OR1J4: variants seen among roughly 807,000 people sequenced by gnomAD.
The protein encoded by OR1J4 is olfactory receptor 1J4.
For synonymous variants in OR1J4, 154 were observed against 152.6 expected (o/e 1.01, Z -0.07); for missense variants, 350 against 371.1 (o/e 0.94, Z 0.47).
Position 122,519,422 on chromosome 9 carries a change from T to C in OR1J4, c.282T>C (p.Tyr94=), listed in dbSNP as rs143179088. 3 of 1,614,244 alleles carry C rather than the reference T, an allele frequency of 1.9e-6. No individual in the cohort carries two copies. The highest frequency in any genetic ancestry group is 1.7e-6 in the Non-Finnish European group (2 of 1,180,046). Residue 94 remains tyrosine (Y), a synonymous_variant, in exon 1 of 1, where the codon TAT becomes TAC. Transcript: ENST00000340750. The part of the protein sequence containing the change: ...SMQTQDQSIL[Y]AGCVTQMYFF... ...AAACTCAGGATCAATCCATTCTTTA[T>C]GCAGGGTGTGTAACTCAGATGTATT...
Position 122,519,606 on chromosome 9 carries a change from G to T in OR1J4, c.466G>T (p.Ala156Ser). ...GTCCTGGATCCTCTCCTGTACCAAT[G>T]CCCTGTCTCACACTCTCCTCCTGGC... ...TVSWILSCTN[A>S]LSHTLLLAQL... Residue 156 changes from alanine (A) to serine (S), a missense_variant, in exon 1 of 1, where the codon GCC becomes TCC. By Grantham distance (99) the Ala-to-Ser change is moderately conservative. Transcript: ENST00000340750. 1.9e-6 allele frequency: 3 copies of T among 1,613,986 alleles called. No homozygotes were observed. Among genetic ancestry groups the T allele is most frequent in the Non-Finnish European group, 2.5e-6 (3 of 1,179,982 alleles).
In OR1J4 at chr9:122,519,310, C is replaced by A. The variant is rs759317447; in HGVS notation, c.170C>A (p.Thr57Asn). The A allele has an allele frequency of 1.6e-5, 26 of 1,614,106 alleles. No individual in the cohort carries two copies. Among genetic ancestry groups the A allele is most frequent in the Admixed American group, 6.7e-5 (4 of 60,016 alleles). The change falls in exon 1 of 1, where the codon ACC becomes AAC. Residue 57 changes from threonine to asparagine, a missense_variant. Transcript: ENST00000340750. ...ATCCGGCTGGACTCTCACCTTCACA[C>A]CCCCATGTTCTTCTTCCTCAGCCAC... The part of the protein sequence containing the change: ...LLIRLDSHLH[T>N]PMFFFLSHLA...
Position 122,519,681 on chromosome 9 carries a change from C to G in OR1J4, c.541C>G (p.Leu181Val). 6.2e-7 allele frequency: 1 copy of G among 1,614,122 alleles called. No individual in the cohort carries two copies. The highest frequency in any genetic ancestry group is 8.5e-7 in the Non-Finnish European group (1 of 1,180,020). ...DNTIPHFFCD[L>V]VALLKLSCSD... ...CACCATCCCCCATTTCTTCTGTGAT[C>G]TTGTTGCCCTACTCAAGCTCTCATG... is the stretch of plus-strand genomic sequence containing the variant. Residue 181 changes from leucine to valine, a missense_variant, in exon 1 of 1, where the codon CTT becomes GTT. By Grantham distance (32) the Leu-to-Val change is conservative. Transcript: ENST00000340750.
rs1434549474 is a variant in OR1J4 at position 122,519,741 on chromosome 9, A to C, written c.601A>C (p.Thr201Pro). Residue 201 changes from threonine to proline, a missense_variant, in exon 1 of 1, where the codon ACA becomes CCA. Coordinates refer to ENST00000340750, the MANE Select transcript of OR1J4 (RefSeq NM_001004452.1). ...CTCCCTCAATGAGCTGGTCATTTTC[A>C]CAGTGGGACAGGCAGTCATTACTCT... is the stretch of plus-strand genomic sequence containing the variant. ...DISLNELVIF[T>P]VGQAVITLPL... The C allele has an allele frequency of 1.2e-6, 2 of 1,614,032 alleles. No homozygotes were observed. The highest frequency in any genetic ancestry group is 1.1e-5 in the South Asian group (1 of 91,068).
Position 122,519,804 on chromosome 9 carries a change from G to C in OR1J4, c.664G>C (p.Gly222Arg), listed in dbSNP as rs1467028224. The C allele has an allele frequency of 6.2e-7, 1 of 1,614,056 alleles. No individual in the cohort carries two copies. The highest frequency in any genetic ancestry group is 8.5e-7 in the Non-Finnish European group (1 of 1,179,996). The stretch of plus-strand genomic sequence containing the variant: ...CATCTTGATCTCTTATGGCCACATT[G>C]GGGTCACCATCCTCAAGGCTCCATC... ...ICILISYGHI[G>R]VTILKAPSTK... The change falls in exon 1 of 1, where the codon GGG (glycine) becomes CGG (arginine). Residue 222 changes from glycine to arginine, a missense_variant. By Grantham distance (125) the Gly-to-Arg change is moderately radical (BLOSUM62 -2). Coordinates refer to ENST00000340750, the MANE Select transcript of OR1J4 (RefSeq NM_001004452.1).
Position 122,519,720 on chromosome 9 carries a change from C to G in OR1J4, c.580C>G (p.Leu194Val). Reference sequence around the variant, plus strand: ...CAAGCTCTCATGCTCAGACATCTCCCTCAATGAGCTGGTCATTTTCACAGT... The same window carrying G: ...CAAGCTCTCATGCTCAGACATCTCCGTCAATGAGCTGGTCATTTTCACAGT... ...LLKLSCSDISLNELVIFTVGQ... is the reference protein window; with the variant it reads ...LLKLSCSDISVNELVIFTVGQ... Residue 194 changes from leucine to valine, a missense_variant, in exon 1 of 1, where the codon CTC (leucine) becomes GTC (valine). By Grantham distance (32) the Leu-to-Val change is conservative (BLOSUM62 1). Coordinates refer to ENST00000340750, the MANE Select transcript of OR1J4 (RefSeq NM_001004452.1). 6.2e-7 allele frequency: 1 copy of G among 1,614,126 alleles called. No individual in the cohort carries two copies. Among genetic ancestry groups the G allele is most frequent in the Non-Finnish European group, 8.5e-7 (1 of 1,180,004 alleles).
Position 122,519,374 on chromosome 9 carries a change from C to T in OR1J4, c.234C>T (p.Val78=). 6.2e-7 allele frequency: 1 copy of T among 1,614,136 alleles called. No homozygotes were observed. Among genetic ancestry groups the T allele is most frequent in the Non-Finnish European group, 8.5e-7 (1 of 1,180,004 alleles). The part of the protein sequence containing the change: ...LTDISLSSVT[V]PKMLLSMQTQ... ...ACATCTCCCTTTCATCTGTCACTGTCCCAAAGATGTTATTAAGCATGCAAA... is the reference window on the plus strand; with the variant it reads ...ACATCTCCCTTTCATCTGTCACTGTTCCAAAGATGTTATTAAGCATGCAAA... Residue 78 remains valine, a synonymous_variant, in exon 1 of 1, where the codon GTC becomes GTT. Transcript: ENST00000340750.
At position 122,519,729 on chromosome 9, in the gene OR1J4, C is replaced by T; in HGVS notation, c.589C>T (p.Leu197=). Residue 197 remains leucine (L), a synonymous_variant, in exon 1 of 1, where the codon CTG becomes TTG. Transcript: ENST00000340750. ...LSCSDISLNE[L]VIFTVGQAVI... ...ATGCTCAGACATCTCCCTCAATGAG[C>T]TGGTCATTTTCACAGTGGGACAGGC... 1 of 1,614,114 alleles carries T rather than the reference C, an allele frequency of 6.2e-7. No individual in the cohort carries two copies. Among genetic ancestry groups the T allele is most frequent in the Non-Finnish European group, 8.5e-7 (1 of 1,179,994 alleles).
At position 122,519,249 on chromosome 9, in the gene OR1J4, A is replaced by G; in HGVS notation, c.109A>G (p.Ile37Val). 6.2e-7 allele frequency: 1 copy of G among 1,613,940 alleles called. No individual in the cohort carries two copies. The highest frequency in any genetic ancestry group is 8.5e-7 in the Non-Finnish European group (1 of 1,179,996). The change falls in exon 1 of 1, where the codon ATC becomes GTC. Residue 37 changes from isoleucine (I) to valine (V), a missense_variant. By Grantham distance (29) the Ile-to-Val change is conservative (BLOSUM62 3). Coordinates refer to ENST00000340750, the MANE Select transcript of OR1J4 (RefSeq NM_001004452.1). ...FFTLFLGMYL[I>V]TVLGNLLIIL... ...CACCCTGTTCTTGGGCATGTACCTGATCACGGTGCTGGGGAACCTGCTCAT... is the reference window on the plus strand; with the variant it reads ...CACCCTGTTCTTGGGCATGTACCTGGTCACGGTGCTGGGGAACCTGCTCAT...
In OR1J4 at chr9:122,519,478, T is replaced by G; in HGVS notation, c.338T>G (p.Phe113Cys). The G allele has an allele frequency of 6.2e-7, 1 of 1,614,162 alleles. No individual in the cohort carries two copies. Among genetic ancestry groups the G allele is most frequent in the South Asian group, 1.1e-5 (1 of 91,082 alleles). Residue 113 changes from phenylalanine (F) to cysteine (C), a missense_variant, in exon 1 of 1, where the codon TTC becomes TGC. Transcript: ENST00000340750. ...FFIFFTDLDN[F>C]LLTSMAYDRY... ...ATATTTTTCACTGATCTAGACAATT[T>G]CCTTCTCACTTCAATGGCATACGAT...
rs781118760 is a variant in OR1J4, at chr9:122,519,421, A to T, written c.281A>T (p.Tyr94Phe). The T allele has an allele frequency of 6.2e-7, 1 of 1,614,190 alleles. No homozygotes were observed. Among genetic ancestry groups the T allele is most frequent in the Non-Finnish European group, 8.5e-7 (1 of 1,180,028 alleles). The change falls in exon 1 of 1, where the codon TAT becomes TTT. Residue 94 changes from tyrosine to phenylalanine, a missense_variant. Transcript: ENST00000340750. ...SMQTQDQSILYAGCVTQMYFF... is the reference protein window; with the variant it reads ...SMQTQDQSILFAGCVTQMYFF... Reference sequence around the variant, plus strand: ...CAAACTCAGGATCAATCCATTCTTTATGCAGGGTGTGTAACTCAGATGTAT... The same window carrying T: ...CAAACTCAGGATCAATCCATTCTTTTTGCAGGGTGTGTAACTCAGATGTAT...
In OR1J4 at chr9:122,519,687, G is replaced by T. The variant is rs201128084; in HGVS notation, c.547G>T (p.Ala183Ser). The T allele has an allele frequency of 6.2e-6, 10 of 1,613,864 alleles. No homozygotes were observed. In the African/African-American group the frequency reaches 1.2e-4, roughly 19 times the overall value. The change falls in exon 1 of 1, where the codon GCC (alanine) becomes TCC (serine). Residue 183 changes from alanine to serine, a missense_variant. Ala to Ser is a moderately conservative substitution (Grantham distance 99, BLOSUM62 1). Coordinates refer to ENST00000340750, the MANE Select transcript of OR1J4 (RefSeq NM_001004452.1). Reference sequence around the variant, plus strand: ...CCCCCATTTCTTCTGTGATCTTGTTGCCCTACTCAAGCTCTCATGCTCAGA... The same window carrying T: ...CCCCCATTTCTTCTGTGATCTTGTTTCCCTACTCAAGCTCTCATGCTCAGA... Reference protein sequence around the residue: ...TIPHFFCDLVALLKLSCSDIS... With the variant: ...TIPHFFCDLVSLLKLSCSDIS...
chr9:122,520,048 G>A lies in OR1J4; in HGVS notation c.908G>A (p.Arg303Lys), dbSNP rs1564186315. 2 of 1,613,718 alleles carry A rather than the reference G, an allele frequency of 1.2e-6. No homozygotes were observed. Among genetic ancestry groups the A allele is most frequent in the Non-Finnish European group, 1.7e-6 (2 of 1,179,716 alleles). ...AGGGACATAAAGGGAGCCCTGGAGAGACTCTTCAACAGGGCAACAGTCTTA... is the reference window on the plus strand; with the variant it reads ...AGGGACATAAAGGGAGCCCTGGAGAAACTCTTCAACAGGGCAACAGTCTTA... ...RNRDIKGALE[R>K]LFNRATVLSQ The change falls in exon 1 of 1, where the codon AGA becomes AAA. Residue 303 changes from arginine (R) to lysine (K), a missense_variant. Coordinates refer to ENST00000340750, the MANE Select transcript of OR1J4 (RefSeq NM_001004452.1).
Position 122,519,565 on chromosome 9 carries a change from A to G in OR1J4, c.425A>G (p.Asn142Ser). The change falls in exon 1 of 1, where the codon AAC (asparagine) becomes AGC (serine). Residue 142 changes from asparagine (N) to serine (S), a missense_variant. Coordinates refer to ENST00000340750, the MANE Select transcript of OR1J4 (RefSeq NM_001004452.1). The part of the protein sequence containing the change: ...YTTIMKEGLC[N>S]LLVTVSWILS... ...ACTATCATGAAAGAGGGACTGTGTA[A>G]CTTACTAGTCACTGTGTCCTGGATC... The G allele has an allele frequency of 6.2e-7, 1 of 1,614,072 alleles. No homozygotes were observed. The highest frequency in any genetic ancestry group is 8.5e-7 in the Non-Finnish European group (1 of 1,180,018).
chr9:122,519,353 C>G lies in OR1J4; in HGVS notation c.213C>G (p.Ile71Met). ...FFLSHLALTD[I>M]SLSSVTVPKM... Reference sequence around the variant, plus strand: ...TCAGCCACTTGGCTCTCACTGACATCTCCCTTTCATCTGTCACTGTCCCAA... The same window carrying G: ...TCAGCCACTTGGCTCTCACTGACATGTCCCTTTCATCTGTCACTGTCCCAA... Residue 71 changes from isoleucine (I) to methionine (M), a missense_variant, in exon 1 of 1, where the codon ATC (isoleucine) becomes ATG (methionine). Transcript: ENST00000340750. The G allele has an allele frequency of 1.2e-6, 2 of 1,614,142 alleles. No homozygotes were observed. The highest frequency in any genetic ancestry group is 1.7e-6 in the Non-Finnish European group (2 of 1,180,008).
Position 122,519,988 on chromosome 9 carries a change from C to G in OR1J4, c.848C>G (p.Pro283Arg). The G allele has an allele frequency of 6.2e-7, 1 of 1,614,154 alleles. No homozygotes were observed. The highest frequency in any genetic ancestry group is 2.2e-5 in the East Asian group (1 of 44,876). The stretch of plus-strand genomic sequence containing the variant: ...TCTGTGATGTACACGGTGATCACCC[C>G]ATTGCTGAATCCCTTCATTTATAGC... ...IASVMYTVIT[P>R]LLNPFIYSLR... Residue 283 changes from proline (P) to arginine (R), a missense_variant, in exon 1 of 1, where the codon CCA becomes CGA. By Grantham distance (103) the Pro-to-Arg change is moderately radical. Coordinates refer to ENST00000340750, the MANE Select transcript of OR1J4 (RefSeq NM_001004452.1).
At position 122,519,541 on chromosome 9, in the gene OR1J4, C is replaced by T. The variant is rs376214029; in HGVS notation, c.401C>T (p.Thr134Ile). ...ATCTGTCACCCCCTCCGCTACACCA[C>T]TATCATGAAAGAGGGACTGTGTAAC... Reference protein sequence around the residue: ...VAICHPLRYTTIMKEGLCNLL... With the variant: ...VAICHPLRYTIIMKEGLCNLL... The change falls in exon 1 of 1, where the codon ACT (threonine) becomes ATT (isoleucine). Residue 134 changes from threonine to isoleucine, a missense_variant. Physicochemically the swap from Thr to Ile is moderately conservative, Grantham distance 89. Transcript: ENST00000340750. The T allele has an allele frequency of 1.2e-6, 2 of 1,614,170 alleles. No homozygotes were observed. The highest frequency in any genetic ancestry group is 2.2e-5 in the East Asian group (1 of 44,888).
Position 122,519,218 on chromosome 9 carries a change from G to A in OR1J4, c.78G>A (p.Val26=). Residue 26 remains valine (V), a synonymous_variant, in exon 1 of 1, where the codon GTG becomes GTA. Transcript: ENST00000340750. The part of the protein sequence containing the change: ...DLPIWPEQQA[V]FFTLFLGMYL... ...CCATCTGGCCAGAGCAGCAGGCTGT[G>A]TTCTTCACCCTGTTCTTGGGCATGT... is the stretch of plus-strand genomic sequence containing the variant. The A allele has an allele frequency of 6.2e-7, 1 of 1,612,780 alleles. No homozygotes were observed. The highest frequency in any genetic ancestry group is 1.3e-5 in the African/African-American group (1 of 75,028).
chr9:122,519,192 C>G lies in OR1J4; in HGVS notation c.52C>G (p.Pro18Ala), dbSNP rs765894237. The G allele has an allele frequency of 3.1e-6, 5 of 1,613,668 alleles. No individual in the cohort carries two copies. Among genetic ancestry groups the G allele is most frequent in the Non-Finnish European group, 4.2e-6 (5 of 1,179,674 alleles). The stretch of plus-strand genomic sequence containing the variant: ...GTCTGAGTTCCTCCTCCTGGACCTC[C>G]CCATCTGGCCAGAGCAGCAGGCTGT... ...SVSEFLLLDL[P>A]IWPEQQAVFF... The change falls in exon 1 of 1, where the codon CCC becomes GCC. Residue 18 changes from proline (P) to alanine (A), a missense_variant. Coordinates refer to ENST00000340750, the MANE Select transcript of OR1J4 (RefSeq NM_001004452.1).
Sources: gnomAD v4.1 joint callset for allele counts on GRCh38, gnomAD v4.1.1 for gene constraint, MANE v1.5 for transcripts, NCBI Gene and HGNC (gene_info 2026-07-23, HGNC 2026-07-21) for gene names.